MTRF1: variants seen among roughly 807,000 people sequenced by gnomAD.
MTRF1 encodes mitochondrial translation release factor 1.
A neutral mutation model predicts 62.9 loss-of-function variants in MTRF1; 51 were observed. The ratio of observed to expected loss-of-function variants is 0.81; its 90% CI spans 0.65 to 1.02. MTRF1 has a LOEUF of 1.02. MTRF1 is among the 50% of genes least tolerant of loss of function. MTRF1 has a pLI of 0.00. For missense variants in MTRF1, 446 were observed against 530.0 expected (o/e 0.84, Z 1.56); for synonymous variants, 158 against 181.9 (o/e 0.87, Z 1.06).
chr13:41,266,563 G>A (rs74941527), upstream of MTRF1, among the ~76,000 whole-genome samples: 1,043 of 152,208 alleles, frequency 6.9e-3, 11 homozygotes, highest in African/African-American at 0.024. Context: ...AGTGAGCTAT[G>A]GTGCCACCTC....
At chr13:41,311,515 C>G in the MTRF1 span, 1 of 1,595,812 alleles carries the variant, frequency 6.3e-7, no homozygotes, top group Non-Finnish European at 8.5e-7. Flanking sequence ...CACCTAGCCT[C>G]CCTGCCGGCC....
At chr13:41,251,848 T>C (rs1472089229) in intron 5 of MTRF1, among the ~76,000 whole-genome samples, 1 of 152,164 alleles carries the variant, frequency 6.6e-6, no homozygotes, top group Non-Finnish European at 1.5e-5. Flanking sequence ...ACTTGAGTAT[T>C]TAAAGGTAAA....
intron 9 of MTRF1, 152 bp from the exon 10 acceptor site, chr13:41,217,380 G>A: frequency 2.1e-6 from 1 of 471,866 alleles, no homozygotes; most frequent in Admixed American, 3.9e-5. Context: ...TCGCTAACTT[G>A]GGAAGATCCC....
At chr13:41,283,638 G>A in the MTRF1 span, among the ~76,000 whole-genome samples, 98 of 126,036 alleles carry the variant, frequency 7.8e-4, no homozygotes, top group Non-Finnish European at 2.2e-4. Context: ...CACCCAGGCT[G>A]GAGTGCAGTG....
At chr13:41,222,330 C>T (rs879778253) in intron 9 of MTRF1, among the ~76,000 whole-genome samples, 1 of 152,166 alleles carries the variant, frequency 6.6e-6, no homozygotes, top group Non-Finnish European at 1.5e-5. Flanking sequence ...GGTTAATGTT[C>T]AAACAATCTT....
At chr13:41,240,794 TATA>T (rs1280650266) in intron 5 of MTRF1, among the ~76,000 whole-genome samples, 1 of 152,188 alleles carries the variant, frequency 6.6e-6, no homozygotes, top group African/African-American at 2.4e-5. Context: ...GTTTTATTTT[TATA>T]ATAAGGGAAA....
At chr13:41,267,567 A>G (rs2040854698), upstream of MTRF1, among the ~76,000 whole-genome samples, 1 of 152,128 alleles carries the variant, frequency 6.6e-6, no homozygotes, top group Admixed American at 6.6e-5. Context: ...AAACTTTTCT[A>G]AAGTAAAAAA....
At chr13:41,243,404 C>A (rs1432361374) in intron 5 of MTRF1, among the ~76,000 whole-genome samples, 1,302 of 75,842 alleles carry the variant, frequency 0.017, no homozygotes, top group South Asian at 0.024. Flanking sequence ...GACCCTGTCT[C>A]AAAAAAAAAA....
chr13:41,220,681 G>T, intron 9 of MTRF1: 2 of 969,632 alleles, frequency 2.1e-6, no homozygotes, highest in Non-Finnish European at 2.9e-6. Context: ...ATATCATCAG[G>T]GTTCTTTCTG....
At chr13:41,247,168 G>A (rs76470591) in intron 5 of MTRF1, among the ~76,000 whole-genome samples, 7,794 of 152,292 alleles carry the variant, frequency 0.051, 260 homozygotes, top group Non-Finnish European at 0.079. Context: ...TGCAGCTGTC[G>A]AGAGGTATCA....
chr13:41,252,390 C>A lies in MTRF1; in HGVS notation c.697+255G>T, dbSNP rs190875786. ...AATGATTTTGAGGCAAGATACGTAT[C>A]TAAGTTCCTCAGGGGAATTTTCTCT... On this transcript the variant is annotated intron_variant, in intron 5 of 9. Transcript: ENST00000379480. The A allele has an allele frequency of 1.4e-5, 4 of 284,430 alleles. No homozygotes were observed. In the East Asian group the frequency reaches 2.4e-4, roughly 17 times the overall value. 17.6% of individuals were successfully genotyped at this position (284,430 alleles called of 1,614,324 possible).
At position 41,233,754 on chromosome 13, in the gene MTRF1, C is replaced by T. The variant is rs3751345; in HGVS notation, c.988+136G>A. On this transcript the variant is annotated intron_variant, in intron 7 of 9. Coordinates refer to ENST00000379480, the MANE Select transcript of MTRF1 (RefSeq NM_004294.4). ...AGAAGGGAAATATGAACACAATAGC[C>T]ATCCTGATCCACAACCCCAGTGACA... The T allele has an allele frequency of 6.9e-3, 4,806 of 695,872 alleles. 131 individuals are homozygous for T. Among genetic ancestry groups the T allele is most frequent in the East Asian group, 0.061 (2,419 of 39,528 alleles). The allele number at this position is 695,872 out of a possible 1,614,324, so 43.1% of individuals were successfully genotyped here. A position where few individuals can be genotyped will look rare whatever the true frequency, so the allele number is the denominator to read the frequency against.
At chr13:41,299,256 AG>A in the MTRF1 span, among the ~76,000 whole-genome samples, 2 of 152,120 alleles carry the variant, frequency 1.3e-5, no homozygotes. Flanking sequence ...AAATTTTGGT[AG>A]TATTTTTTAA....
chr13:41,222,564 C>CTAAACAGGTGAGCCCT (rs2033613792), intron 9 of MTRF1, among the ~76,000 whole-genome samples: 1 of 152,160 alleles, frequency 6.6e-6, no homozygotes, highest in Non-Finnish European at 1.5e-5. Context: ...TGAGCTTGAC[C>CTAAACAGGTGAGCCCT]TAAACAGGTG....
intron 9 of MTRF1, among the ~76,000 whole-genome samples, chr13:41,221,096 G>A (rs921610421): frequency 1.3e-5 from 2 of 151,798 alleles, no homozygotes; most frequent in Non-Finnish European, 2.9e-5. Context: ...GTTGCCCTGG[G>A]GTTAAGATCC....
intron 9 of MTRF1, among the ~76,000 whole-genome samples, chr13:41,219,426 T>C (rs2032733825): frequency 6.6e-6 from 1 of 152,094 alleles, no homozygotes; most frequent in Admixed American, 6.5e-5. Context: ...TTAACCAGAG[T>C]GCAGGAGATA....
At chr13:41,310,615 A>C in the MTRF1 span, among the ~76,000 whole-genome samples, 1 of 152,222 alleles carries the variant, frequency 6.6e-6, no homozygotes, top group South Asian at 2.1e-4. Flanking sequence ...GGTTGCAGTG[A>C]GCCCAGATAG....
the MTRF1 span, among the ~76,000 whole-genome samples, chr13:41,306,100 C>T: frequency 6.6e-6 from 1 of 151,908 alleles, no homozygotes; most frequent in Non-Finnish European, 1.5e-5. Flanking sequence ...AAAAAAGAGC[C>T]GGCTGGGCGC....
At chr13:41,282,273 G>A in the MTRF1 span, among the ~76,000 whole-genome samples, 1 of 152,270 alleles carries the variant, frequency 6.6e-6, no homozygotes, top group African/African-American at 2.4e-5. Context: ...CTGGGCAACG[G>A]AACAAGACCT....
Sources: allele counts gnomAD v4.1 joint callset (sites outside exome capture counted in the v4.1 genomes callset), GRCh38; gene constraint gnomAD v4.1.1; transcripts MANE v1.5; gene names NCBI Gene and HGNC (gene_info 2026-07-23, HGNC 2026-07-21).